The following OPCML variants were observed in gnomAD, a reference collection of about 807,000 sequenced individuals.
OPCML encodes the protein opioid-binding protein/cell adhesion molecule.
Under a neutral mutation model 37.8 loss-of-function variants are expected in OPCML, and 13 were observed. That is an observed-to-expected ratio of 0.34 (90% CI 0.22 to 0.55). The LOEUF (loss-of-function observed/expected upper bound fraction) is 0.55. Among genes scored for constraint, OPCML ranks in the 20% least tolerant of loss-of-function variants. The pLI is 0.91. For synonymous variants in OPCML, 176 were observed against 168.8 expected (o/e 1.04, Z -0.33); for missense variants, 341 against 435.6 (o/e 0.78, Z 1.93).
At chr11:133,060,158 TCCTCTCCCTCTCCCTCTC>T (rs553478664) in intron 1 of OPCML, among the ~76,000 whole-genome samples, 1 of 151,300 alleles carries the variant, frequency 6.6e-6, no homozygotes, top group Admixed American at 6.6e-5. Context: ...AATCTTATTC[TCCTCTCCCTCTCCCTCTC>T]CCTCTCCCTC....
intron 1 of OPCML, among the ~76,000 whole-genome samples, chr11:133,074,977 C>T (rs1948599130): frequency 6.6e-6 from 1 of 152,126 alleles, no homozygotes; most frequent in Non-Finnish European, 1.5e-5. Context: ...CCTCAGCTCA[C>T]CAGGAAGTGG....
chr11:132,700,728 A>T (rs1943774030), intron 2 of OPCML, among the ~76,000 whole-genome samples: 1 of 152,128 alleles, frequency 6.6e-6, no homozygotes, highest in South Asian at 2.1e-4. Context: ...GGAATATTCC[A>T]TGTGTGCTTG....
chr11:132,474,049 G>C (rs1592228513), intron 4 of OPCML, among the ~76,000 whole-genome samples: 1 of 152,110 alleles, frequency 6.6e-6, no homozygotes, highest in East Asian at 1.9e-4. Flanking sequence ...GGATGGGAGA[G>C]ATGAAGGACT....
chr11:133,121,321 T>C (rs1022308457), intron 1 of OPCML, among the ~76,000 whole-genome samples: 1 of 152,238 alleles, frequency 6.6e-6, no homozygotes, highest in Non-Finnish European at 1.5e-5. Context: ...AGAAACTTTC[T>C]AGAAATTTCT....
At chr11:133,424,887 T>A (rs1357758088) in intron 1 of OPCML, among the ~76,000 whole-genome samples, 3 of 152,092 alleles carry the variant, frequency 2.0e-5, no homozygotes, top group Non-Finnish European at 4.4e-5. Context: ...CACACCATAA[T>A]CTCCCCTGGG....
chr11:132,881,952 A>T (rs1345207366), intron 2 of OPCML, among the ~76,000 whole-genome samples: 2 of 152,228 alleles, frequency 1.3e-5, no homozygotes, highest in Admixed American at 1.3e-4. Context: ...TAATTATGTC[A>T]AATAAGATAA....
Position 132,662,362 on chromosome 11 carries a change from A to T in OPCML, c.147-5043T>A, listed in dbSNP as rs901779358. ...CTGAAAATTAAAATCAATTGGCTTT[A>T]ACTTTTTTGTGTTCTTTACTTTTGT... is the stretch of plus-strand genomic sequence containing the variant. On this transcript the variant is annotated intron_variant, in intron 2 of 7. Transcript: ENST00000524381. 2.0e-5 allele frequency among the ~76,000 whole-genome samples: 3 copies of T among 151,496 alleles called. No individual in the cohort carries two copies. The East Asian group carries it at 5.8e-4, about 29-fold the overall frequency.
At chr11:133,441,975 A>T (rs1946373970) in intron 1 of OPCML, among the ~76,000 whole-genome samples, 3 of 152,184 alleles carry the variant, frequency 2.0e-5, no homozygotes. Flanking sequence ...AAAATTAATA[A>T]AATGCTAATA....
intron 2 of OPCML, among the ~76,000 whole-genome samples, chr11:132,874,114 C>T (rs767638286): frequency 6.6e-6 from 1 of 152,202 alleles, no homozygotes. Flanking sequence ...CCTCCTGAGT[C>T]TCTGTCTATG....
intron 1 of OPCML, among the ~76,000 whole-genome samples, chr11:133,397,873 A>T (rs1469218190): frequency 6.6e-6 from 1 of 152,214 alleles, no homozygotes. Flanking sequence ...GATCCTTTGA[A>T]AAGGTAGAGG....
chr11:133,077,774 T>C (rs1948646735), intron 1 of OPCML, among the ~76,000 whole-genome samples: 1 of 152,112 alleles, frequency 6.6e-6, no homozygotes, highest in South Asian at 2.1e-4. Flanking sequence ...TATTGGAATA[T>C]AGGCAAAAGA....
chr11:133,307,416 A>T (rs926849435), intron 1 of OPCML, among the ~76,000 whole-genome samples: 1 of 152,206 alleles, frequency 6.6e-6, no homozygotes, highest in Admixed American at 6.5e-5. Context: ...TTATGTTACA[A>T]AATATGTTTA....
At chr11:132,637,154 A>G (rs1305890835) in intron 3 of OPCML, among the ~76,000 whole-genome samples, 1 of 150,410 alleles carries the variant, frequency 6.6e-6, no homozygotes, top group Non-Finnish European at 1.5e-5. Flanking sequence ...TTTTTTTTTA[A>G]CTGAATTTGA....
chr11:132,439,804 C>T lies in OPCML; in HGVS notation c.506-2445G>A, dbSNP rs182498455. On this transcript the variant is annotated intron_variant, in intron 4 of 7. Coordinates refer to ENST00000524381, the MANE Select transcript of OPCML (RefSeq NM_001012393.5). ...TCAAAATGTACCACAGAGGATTTTG[C>T]CATGAGTAATTAAATTGCATTGCAT... Among the ~76,000 whole-genome samples the T allele has an allele frequency of 1.7e-3, 256 of 151,952 alleles. 2 individuals carry two copies. Among genetic ancestry groups the T allele is most frequent in the Non-Finnish European group, 2.9e-3 (194 of 67,998 alleles).
chr11:132,496,880 C>A (rs1489531112), intron 4 of OPCML, among the ~76,000 whole-genome samples: 39 of 152,088 alleles, frequency 2.6e-4, no homozygotes, highest in Non-Finnish European at 2.9e-5. Context: ...CCCTACAGAG[C>A]CTTCCATAAT....
intron 1 of OPCML, among the ~76,000 whole-genome samples, chr11:133,512,552 C>CTTCA (rs1330870206): frequency 6.6e-6 from 1 of 152,294 alleles, no homozygotes; most frequent in East Asian, 1.9e-4. Flanking sequence ...TTAGCTCAAC[C>CTTCA]TTCAGTCCCT....
At chr11:133,281,964 C>G (rs530822797) in intron 1 of OPCML, among the ~76,000 whole-genome samples, 3 of 151,726 alleles carry the variant, frequency 2.0e-5, no homozygotes, top group Non-Finnish European at 4.4e-5. Context: ...GCAAAGCATT[C>G]AAGAAGTGGT....
At chr11:132,986,584 T>G (rs558505684) in intron 1 of OPCML, among the ~76,000 whole-genome samples, 3 of 152,288 alleles carry the variant, frequency 2.0e-5, no homozygotes, top group Non-Finnish European at 2.9e-5. Flanking sequence ...AATAAACAGT[T>G]TTGAATGAAA....
At chr11:132,745,794 A>G (rs1945613708) in intron 2 of OPCML, among the ~76,000 whole-genome samples, 1 of 152,228 alleles carries the variant, frequency 6.6e-6, no homozygotes, top group African/African-American at 2.4e-5. Context: ...GACCCTGGTT[A>G]GGCATTCAGG....
Sources: gnomAD v4.1 joint callset for allele counts (sites outside exome capture counted in the v4.1 genomes callset) on GRCh38, gnomAD v4.1.1 for gene constraint, MANE v1.5 for transcripts, NCBI Gene and HGNC (gene_info 2026-07-23, HGNC 2026-07-21) for gene names.